The following C8orf34 variants were observed in gnomAD, a reference collection of about 807,000 sequenced individuals.
C8orf34 encodes the protein uncharacterized protein C8orf34.
In C8orf34, 65 loss-of-function variants were observed where a neutral mutation model predicts 68.3. That is an observed-to-expected ratio of 0.95 (90% CI 0.78 to 1.17). C8orf34 has a LOEUF of 1.17. C8orf34 is among the 50% of genes most tolerant of loss of function. The pLI, the probability that C8orf34 is intolerant of heterozygous loss-of-function variation, is 0.00. For synonymous variants in C8orf34, 244 were observed against 241.2 expected (o/e 1.01, Z -0.11); for missense variants, 664 against 655.4 (o/e 1.01, Z -0.14).
At chr8:68,527,833 A>G (rs983742558) in intron 6 of C8orf34, among the ~76,000 whole-genome samples, 1 of 152,174 alleles carries the variant, frequency 6.6e-6, no homozygotes, top group East Asian at 1.9e-4. Flanking sequence ...GATCTCACTC[A>G]ACACCATCTG....
intron 7 of C8orf34, among the ~76,000 whole-genome samples, chr8:68,558,066 G>A (rs999335216): frequency 4.6e-5 from 7 of 152,122 alleles, no homozygotes; most frequent in East Asian, 1.9e-4. Flanking sequence ...ATGCTCAAAC[G>A]CCTGTGGTTC....
chr8:68,331,288 A>G lies in C8orf34; in HGVS notation c.276A>G (p.Gln92=), dbSNP rs1563624504. The change falls in exon 1 of 14, where the codon CAA becomes CAG. Residue 92 remains glutamine (Q), a synonymous_variant. Coordinates refer to ENST00000518698, the MANE Select transcript of C8orf34 (RefSeq NM_052958.4). ...TGTTCCCCATGGCGTCTCATCCGCAAACCCGGATCCAGGCTTACCTGGAGA... is the reference window on the plus strand; with the variant it reads ...TGTTCCCCATGGCGTCTCATCCGCAGACCCGGATCCAGGCTTACCTGGAGA... ...SHLFPMASHP[Q]TRIQAYLEKN... The G allele has an allele frequency of 1.3e-6, 2 of 1,536,468 alleles. No individual in the cohort carries two copies. Among genetic ancestry groups the G allele is most frequent in the Non-Finnish European group, 1.7e-6 (2 of 1,146,982 alleles).
chr8:68,528,835 A>C (rs1046242026), intron 6 of C8orf34, among the ~76,000 whole-genome samples: 13 of 152,220 alleles, frequency 8.5e-5, no homozygotes, highest in African/African-American at 3.1e-4. Flanking sequence ...AAGAGAAAAT[A>C]GCTGCAGTCA....
intron 12 of C8orf34, among the ~76,000 whole-genome samples, chr8:68,794,089 T>C (rs1459918711): frequency 1.3e-5 from 2 of 152,164 alleles, no homozygotes; most frequent in Non-Finnish European, 2.9e-5. Flanking sequence ...GCAGGTTGAG[T>C]ATCTCTTATC....
At chr8:68,805,048 T>G (rs1824443144) in intron 12 of C8orf34, among the ~76,000 whole-genome samples, 1 of 152,226 alleles carries the variant, frequency 6.6e-6, no homozygotes, top group African/African-American at 2.4e-5. Context: ...AAATAGAAGA[T>G]ATCTGGCACA....
At chr8:68,639,582 A>T (rs764703221) in intron 7 of C8orf34, among the ~76,000 whole-genome samples, 11 of 152,078 alleles carry the variant, frequency 7.2e-5, no homozygotes, top group Non-Finnish European at 1.3e-4. Context: ...AAAAATTATG[A>T]TTTATCTTTT....
intron 1 of C8orf34, among the ~76,000 whole-genome samples, chr8:68,411,335 G>A (rs1278434777): frequency 6.6e-6 from 1 of 152,068 alleles, no homozygotes; most frequent in Non-Finnish European, 1.5e-5. Flanking sequence ...ACAAATATAA[G>A]CATATATAAT....
At chr8:68,431,920 G>A (rs1810467946) in intron 1 of C8orf34, among the ~76,000 whole-genome samples, 1 of 151,862 alleles carries the variant, frequency 6.6e-6, no homozygotes, top group Non-Finnish European at 1.5e-5. Context: ...TTTATCTCTG[G>A]ATTTTATTCC....
chr8:68,411,507 G>A (rs1049022517), intron 1 of C8orf34, among the ~76,000 whole-genome samples: 1 of 152,186 alleles, frequency 6.6e-6, no homozygotes. Context: ...TTTGTAGAAA[G>A]TGATTCCTAT....
rs962706255 is a variant in C8orf34, at chr8:68,670,542, T to A, written c.1241+30031T>A. 2.0e-5 allele frequency among the ~76,000 whole-genome samples: 3 copies of A among 152,210 alleles called. No homozygotes were observed. In the East Asian group the frequency reaches 5.8e-4, roughly 29 times the overall value. On this transcript the variant is annotated intron_variant, in intron 8 of 13. Coordinates refer to ENST00000518698, the MANE Select transcript of C8orf34 (RefSeq NM_052958.4). ...GCAAACTTTATTCACAGTGAAGTTCTACCCCTCACCTTCCTGCCATTTCCT... is the reference window on the plus strand; with the variant it reads ...GCAAACTTTATTCACAGTGAAGTTCAACCCCTCACCTTCCTGCCATTTCCT...
chr8:68,405,924 A>G (rs894446144), intron 1 of C8orf34, among the ~76,000 whole-genome samples: 2 of 152,242 alleles, frequency 1.3e-5, no homozygotes, highest in African/African-American at 4.8e-5. Flanking sequence ...ATGAAAAAGT[A>G]TCACAAAGCA....
At chr8:68,678,458 C>T (rs952748033) in intron 8 of C8orf34, among the ~76,000 whole-genome samples, 1 of 152,006 alleles carries the variant, frequency 6.6e-6, no homozygotes, top group African/African-American at 2.4e-5. Context: ...TTTGATACAC[C>T]ATATCAAGAT....
intron 5 of C8orf34, among the ~76,000 whole-genome samples, chr8:68,508,007 T>C (rs1281455642): frequency 6.6e-6 from 1 of 152,202 alleles, no homozygotes; most frequent in Non-Finnish European, 1.5e-5. Flanking sequence ...TTCTTTACCC[T>C]AAGGCCTTAT....
chr8:68,749,759 G>T (rs983686399), intron 10 of C8orf34, among the ~76,000 whole-genome samples: 2 of 152,166 alleles, frequency 1.3e-5, no homozygotes, highest in Non-Finnish European at 2.9e-5. Flanking sequence ...CATCCATGTT[G>T]CAGCCATGTT....
chr8:68,683,069 C>T (rs568908094), intron 8 of C8orf34, among the ~76,000 whole-genome samples: 11 of 151,854 alleles, frequency 7.2e-5, no homozygotes, highest in African/African-American at 1.7e-4. Context: ...TTTTGAGTTT[C>T]GTCATATTGA....
At chr8:68,810,600 G>C (rs905434831) in intron 12 of C8orf34, among the ~76,000 whole-genome samples, 2 of 152,162 alleles carry the variant, frequency 1.3e-5, no homozygotes, top group East Asian at 3.9e-4. Context: ...TGTTTGGGGG[G>C]TTGCAAGTTC....
intron 11 of C8orf34, among the ~76,000 whole-genome samples, chr8:68,776,872 A>G (rs1823534956): frequency 6.6e-6 from 1 of 152,238 alleles, no homozygotes; most frequent in Non-Finnish European, 1.5e-5. Context: ...ATATTCATAC[A>G]TGCCATTATG....
At chr8:68,440,241 T>C (rs1447390286) in intron 2 of C8orf34, among the ~76,000 whole-genome samples, 1 of 152,200 alleles carries the variant, frequency 6.6e-6, no homozygotes, top group African/African-American at 2.4e-5. Context: ...GTCTGTTAGT[T>C]TGACATTTAC....
At chr8:68,538,764 A>G (rs953489918) in intron 7 of C8orf34, among the ~76,000 whole-genome samples, 1 of 152,168 alleles carries the variant, frequency 6.6e-6, no homozygotes, top group African/African-American at 2.4e-5. Context: ...TAAATTTTTC[A>G]TTTTTAACTT....
Sources: gnomAD v4.1 joint callset for allele counts (sites outside exome capture counted in the v4.1 genomes callset) on GRCh38, gnomAD v4.1.1 for gene constraint, MANE v1.5 for transcripts, NCBI Gene and HGNC (gene_info 2026-07-23, HGNC 2026-07-21) for gene names.